PKIB: variants seen among roughly 807,000 people sequenced by gnomAD.
PKIB encodes PKI-beta.
PKIB carries 2 observed loss-of-function variants against 4.5 expected under a neutral mutation model. The observed-to-expected ratio is 0.44, with a 90% CI of 0.18 to 1.39. PKIB has a LOEUF of 1.39. PKIB is among the 40% of genes most tolerant of loss of function. The probability of loss-of-function intolerance (pLI) is 0.27; values close to 1 mark genes in which losing one functional copy is unlikely to be tolerated. For missense variants in PKIB, 94 were observed against 92.6 expected, an observed-to-expected ratio of 1.02 and a Z score of -0.06; for synonymous variants, 38 against 36.0, an observed-to-expected ratio of 1.06 and a Z score of -0.20.
chr6:122,511,495 A>T (rs1357043998), intron 2 of PKIB, among the ~76,000 whole-genome samples: 1 of 152,134 alleles, frequency 6.6e-6, no homozygotes, highest in African/African-American at 2.4e-5. Context: ...CATTTCACAC[A>T]CTTGAGCGTT....
chr6:122,664,159 C>G (rs1777125904), intron 2 of PKIB, among the ~76,000 whole-genome samples: 1 of 152,192 alleles, frequency 6.6e-6, no homozygotes, highest in African/African-American at 2.4e-5. Flanking sequence ...CTAGCTGCAA[C>G]AGTCAGAGAT....
At chr6:122,505,743 TTAG>T (rs1393820023) in intron 2 of PKIB, among the ~76,000 whole-genome samples, 4 of 152,160 alleles carry the variant, frequency 2.6e-5, no homozygotes, top group Non-Finnish European at 4.4e-5. Flanking sequence ...AAAATGATGT[TTAG>T]TAGTATTATA....
At chr6:122,572,250 T>C (rs1773388998) in intron 2 of PKIB, among the ~76,000 whole-genome samples, 1 of 152,088 alleles carries the variant, frequency 6.6e-6, no homozygotes, top group Admixed American at 6.6e-5. Context: ...GATATTACAA[T>C]CCTAAATTTA....
intron 1 of PKIB, among the ~76,000 whole-genome samples, chr6:122,631,285 G>A (rs570584884): frequency 2.0e-5 from 3 of 152,182 alleles, no homozygotes; most frequent in Non-Finnish European, 4.4e-5. Context: ...TAAATGGCAG[G>A]TTCAGCCAAT....
intron 2 of PKIB, among the ~76,000 whole-genome samples, chr6:122,517,350 A>G (rs1372644783): frequency 6.6e-6 from 1 of 152,196 alleles, no homozygotes; most frequent in African/African-American, 2.4e-5. Flanking sequence ...TTATAAGTCT[A>G]ATGCTTTTAG....
At position 122,546,759 on chromosome 6, in the gene PKIB, T is replaced by A. The variant is rs187437642; in HGVS notation, c.-247-39162T>A. ...TCTTGAGTAGACAAATATTATTTTT[T>A]AAAAAACTTATGAAATTAATGAATT... On this transcript the variant is annotated intron_variant, in intron 2 of 6. Coordinates refer to the PKIB transcript ENST00000392491. Among the ~76,000 whole-genome samples, 247 of 152,244 alleles carry A rather than the reference T, an allele frequency of 1.6e-3. 2 individuals are homozygous for A. The East Asian group carries it at 0.031, about 19-fold the overall frequency.
At chr6:122,642,507 T>C (rs1776158878) in intron 2 of PKIB, among the ~76,000 whole-genome samples, 1 of 152,242 alleles carries the variant, frequency 6.6e-6, no homozygotes, top group South Asian at 2.1e-4. Flanking sequence ...ATAGTTTTAA[T>C]CTATCATTGT....
rs189517763 is a variant in PKIB, at chr6:122,542,630, G to T, written c.-247-43291G>T. On this transcript the variant is annotated intron_variant, in intron 2 of 6. Coordinates refer to the PKIB transcript ENST00000392491. ...TGTGAGGTGTCAGTCTGCCCCTACT[G>T]GGGGGTGCCTCCCAGTTAGGCTGCT... 1.7e-3 allele frequency among the ~76,000 whole-genome samples: 258 copies of T among 152,184 alleles called. 4 individuals carry two copies. Among genetic ancestry groups the T allele is most frequent in the African/African-American group, 5.9e-3 (244 of 41,454 alleles).
intron 2 of PKIB, among the ~76,000 whole-genome samples, chr6:122,534,631 G>A (rs892643092): frequency 2.0e-5 from 3 of 151,986 alleles, no homozygotes; most frequent in Admixed American, 1.3e-4. Context: ...ATAACTACCA[G>A]CCAAATACAA....
Position 122,500,999 on chromosome 6 carries a change from C to A in PKIB, c.-248+23060C>A, listed in dbSNP as rs577332551. Among the ~76,000 whole-genome samples, 13 of 152,172 alleles carry A rather than the reference C, an allele frequency of 8.5e-5. No homozygotes were observed. The South Asian group carries it at 2.7e-3, about 32-fold the overall frequency. On this transcript the variant is annotated intron_variant, in intron 2 of 6. Coordinates refer to the PKIB transcript ENST00000392491. ...GAAGTCTGCCCCCATGATTCAATCA[C>A]CCCCCACCAGGACCCTCTCCCAACA...
At chr6:122,540,049 C>G in intron 2 of PKIB, among the ~76,000 whole-genome samples, 1 of 151,638 alleles carries the variant, frequency 6.6e-6, no homozygotes, top group Non-Finnish European at 1.5e-5. Context: ...TTTTTTATTG[C>G]GTCTATTTGA....
chr6:122,501,077 A>G (rs968599309), intron 2 of PKIB, among the ~76,000 whole-genome samples: 1 of 152,068 alleles, frequency 6.6e-6, no homozygotes, highest in African/African-American at 2.4e-5. Context: ...GAGTCAAACC[A>G]TATCATTCTG....
At chr6:122,587,761 A>C (rs1773895034) in intron 3 of PKIB, among the ~76,000 whole-genome samples, 1 of 152,030 alleles carries the variant, frequency 6.6e-6, no homozygotes, top group Admixed American at 6.5e-5. Flanking sequence ...TTTGATTTGC[A>C]TTTCTCTGAT....
chr6:122,672,538 A>C (rs1374096278), intron 2 of PKIB, among the ~76,000 whole-genome samples: 1 of 152,146 alleles, frequency 6.6e-6, no homozygotes, highest in Non-Finnish European at 1.5e-5. Context: ...GCTTCCATGT[A>C]TATCACCAAG....
intron 2 of PKIB, chr6:122,481,881 T>G (rs906335394): frequency 6.6e-6 from 1 of 152,208 alleles, no homozygotes; most frequent in Non-Finnish European, 1.5e-5. Flanking sequence ...ATATGCTAAT[T>G]ATGTTATCAA....
chr6:122,700,066 G>T (rs1263580074), intron 3 of PKIB, among the ~76,000 whole-genome samples: 1 of 151,946 alleles, frequency 6.6e-6, no homozygotes, highest in Non-Finnish European at 1.5e-5. Context: ...TACTGTAGAG[G>T]CACAAAAGCC....
intron 2 of PKIB, among the ~76,000 whole-genome samples, chr6:122,572,653 C>CA (rs34754113): frequency 0.25 from 31,861 of 125,678 alleles, 3,984 homozygotes; most frequent in East Asian, 0.44. Flanking sequence ...GAAATTGAAA[C>CA]AAAAAAAAAA....
chr6:122,519,737 A>T (rs1006226958), intron 2 of PKIB, among the ~76,000 whole-genome samples: 2 of 152,292 alleles, frequency 1.3e-5, no homozygotes, highest in South Asian at 4.1e-4. Flanking sequence ...TGTTTTCCTG[A>T]ATCTTTCTAT....
intron 2 of PKIB, among the ~76,000 whole-genome samples, chr6:122,541,980 C>G (rs1204631674): frequency 2.0e-5 from 3 of 152,026 alleles, no homozygotes; most frequent in African/African-American, 4.8e-5. Flanking sequence ...CGCATCGGCT[C>G]CTGAGGCTTC....
Sources: allele counts gnomAD v4.1 joint callset (sites outside exome capture counted in the v4.1 genomes callset), GRCh38; gene constraint gnomAD v4.1.1; transcripts MANE v1.5; gene names NCBI Gene and HGNC (gene_info 2026-07-23, HGNC 2026-07-21).